MYH6: variants seen among roughly 807,000 people sequenced by gnomAD.
The protein encoded by MYH6 is myosin heavy chain 6.
A neutral mutation model predicts 223.2 loss-of-function variants in MYH6; 126 were observed. The ratio of observed to expected loss-of-function variants is 0.56; its 90% confidence interval spans 0.49 to 0.65. The LOEUF is 0.65. MYH6 is among the 30% of genes least tolerant of loss of function. MYH6 has a pLI of 0.00. For missense variants in MYH6, 2,040 were observed against 2,536.4 expected (o/e 0.80, Z 4.20); for synonymous variants, 978 against 1,010.2 (o/e 0.97, Z 0.61).
intron 12 of MYH6, among the ~76,000 whole-genome samples, chr14:23,401,877 T>C (rs1292660464): frequency 2.6e-5 from 4 of 152,224 alleles, no homozygotes; most frequent in Non-Finnish European, 2.9e-5. Flanking sequence ...TGTTGGTGTG[T>C]TATCATGAAC....
At chr14:23,392,765 G>C (rs1891272880) in intron 24 of MYH6, 113 bp from the exon 25 acceptor site, 5 of 1,467,496 alleles carry the variant, frequency 3.4e-6, no homozygotes, top group Admixed American at 3.4e-5. Context: ...CCCCTCGCCA[G>C]CCCAGAAAGT....
intron 34 of MYH6, among the ~76,000 whole-genome samples, chr14:23,385,667 C>A (rs1447147338): frequency 6.6e-6 from 1 of 152,070 alleles, no homozygotes; most frequent in Non-Finnish European, 1.5e-5. Context: ...TCAAGAATAT[C>A]AAATAACAGG....
chr14:23,393,079 G>A, intron 23 of MYH6, 22 bp from the exon 24 acceptor site: 2 of 1,614,080 alleles, frequency 1.2e-6, no homozygotes, highest in Non-Finnish European at 1.7e-6. Flanking sequence ...AAGAAAATAA[G>A]CAAAGTGTGG....
chr14:23,397,365 C>A, intron 16 of MYH6, 108 bp from the exon 17 acceptor site: 1 of 1,310,106 alleles, frequency 7.6e-7, no homozygotes. Flanking sequence ...GGGACAGGGG[C>A]TGCCACATAA....
chr14:23,390,199 T>G lies in MYH6; in HGVS notation c.3590A>C (p.Lys1197Thr). 1.9e-6 allele frequency: 3 copies of G among 1,605,354 alleles called. No homozygotes were observed. Among genetic ancestry groups the G allele is most frequent in the Non-Finnish European group, 2.6e-6 (3 of 1,174,782 alleles). The change falls in exon 26 of 39, where the codon AAG becomes ACG. Residue 1197 changes from lysine (K) to threonine (T), a missense_variant. Lys to Thr is a moderately conservative substitution (Grantham distance 78). Transcript: ENST00000405093. ...CAGCTCGGCCACGCTGTCGGCGTGC[T>G]TCTTGCGCAGGGCCGCGGCAGTGGC... ...HEATAAALRK[K>T]HADSVAELGE...
Position 23,402,449 on chromosome 14 carries a change from G to T in MYH6, c.1141+15C>A. Reference sequence around the variant, plus strand: ...ACCTCAGGCCTTCCCAGGGCTGCCTGCCTGCCCCTCCCACCTTCGGTGCCG... The same window carrying T: ...ACCTCAGGCCTTCCCAGGGCTGCCTTCCTGCCCCTCCCACCTTCGGTGCCG... On this transcript the variant is annotated intron_variant, in intron 12 of 38. Transcript: ENST00000405093. 1 of 1,612,176 alleles carries T rather than the reference G, an allele frequency of 6.2e-7. No individual in the cohort carries two copies. Among genetic ancestry groups the T allele is most frequent in the Non-Finnish European group, 8.5e-7 (1 of 1,179,956 alleles).
rs141079114 is a variant in MYH6 at position 23,393,518 on chromosome 14, C to G, written c.2929G>C (p.Val977Leu). ...EKEKHATENKVKNLTEEMAGL... is the reference protein window; with the variant it reads ...EKEKHATENKLKNLTEEMAGL... ...GCCATCTCCTCTGTTAGGTTCTTCACCTGCCGACCAAAAACCCATCCCCTT... is the reference window on the plus strand; with the variant it reads ...GCCATCTCCTCTGTTAGGTTCTTCAGCTGCCGACCAAAAACCCATCCCCTT... Residue 977 changes from valine to leucine, a missense_variant and splice_region_variant, in exon 23 of 39, where the codon GTG (valine) becomes CTG (leucine). Coordinates refer to ENST00000405093, the MANE Select transcript of MYH6 (RefSeq NM_002471.4). 9.3e-6 allele frequency: 15 copies of G among 1,613,952 alleles called. No homozygotes were observed. In the Admixed American group the frequency reaches 1.7e-4, roughly 18 times the overall value.
In MYH6 at chr14:23,407,726, G is replaced by A. The variant is rs1048757641; in HGVS notation, c.-46-118C>T. The A allele has an allele frequency of 2.8e-5, 18 of 653,990 alleles. No homozygotes were observed. The highest frequency in any genetic ancestry group is 2.6e-4 in the Admixed American group (5 of 19,554). 40.5% of individuals were successfully genotyped at this position (653,990 alleles called of 1,614,324 possible). On this transcript the variant is annotated intron_variant, in intron 1 of 38. Coordinates refer to ENST00000405093, the MANE Select transcript of MYH6 (RefSeq NM_002471.4). The surrounding 1 kb of genome is among the most constrained non-coding windows in gnomAD (Gnocchi z 5.6). ...CCGGGGATGGAGGCAGCCCCAGAGCGCAGACAGGCAGGACAGACCAGGGAG... is the reference window on the plus strand; with the variant it reads ...CCGGGGATGGAGGCAGCCCCAGAGCACAGACAGGCAGGACAGACCAGGGAG...
At chr14:23,397,820 G>A (rs1343350103) in intron 15 of MYH6, among the ~76,000 whole-genome samples, 1 of 152,140 alleles carries the variant, frequency 6.6e-6, no homozygotes, top group African/African-American at 2.4e-5. Context: ...CAGCTCACTG[G>A]TGCTTGCCCA....
In MYH6 at chr14:23,393,491, C is replaced by G; in HGVS notation, c.2956G>C (p.Gly986Arg). The change falls in exon 23 of 39, where the codon GGG becomes CGG. Residue 986 changes from glycine to arginine, a missense_variant. By Grantham distance (125) the Gly-to-Arg change is moderately radical (BLOSUM62 -2). Around this residue, in one of 4 missense-constraint regions of MYH6, gnomAD observed 1,203 missense variants for 1,400.2 expected, o/e 0.86. Transcript: ENST00000405093. ...KVKNLTEEMA[G>R]LDEIIAKLTK... ...AGCTTAGCGATGATTTCATCCAGCC[C>G]AGCCATCTCCTCTGTTAGGTTCTTC... 6.2e-7 allele frequency: 1 copy of G among 1,614,166 alleles called. No individual in the cohort carries two copies. The highest frequency in any genetic ancestry group is 8.5e-7 in the Non-Finnish European group (1 of 1,180,026).
In MYH6 at chr14:23,393,669, G is replaced by A; in HGVS notation, c.2925C>T (p.Asn975=). ...AGCCAGAGGGAGCTGCCCTCACCTT[G>A]TTCTCTGTTGCATGCTTCTCCTTCT... is the stretch of plus-strand genomic sequence containing the variant. ...KVEKEKHATE[N]KVKNLTEEMA... The change falls in exon 22 of 39, where the codon AAC becomes AAT. Residue 975 remains asparagine (N), a synonymous_variant. Transcript: ENST00000405093. 1 of 1,614,182 alleles carries A rather than the reference G, an allele frequency of 6.2e-7. No individual in the cohort carries two copies. Among genetic ancestry groups the A allele is most frequent in the Non-Finnish European group, 8.5e-7 (1 of 1,180,044 alleles).
intron 34 of MYH6, among the ~76,000 whole-genome samples, 185 bp downstream of exon 34, chr14:23,385,743 G>C (rs906470713): frequency 1.3e-5 from 2 of 152,098 alleles, no homozygotes; most frequent in Non-Finnish European, 2.9e-5. Context: ...GACCCTCTTA[G>C]CTTCTAAGTA....
rs201334814 is a variant in MYH6 at position 23,403,764 on chromosome 14, C to T, written c.750G>A (p.Arg250=). The part of the protein sequence containing the change: ...DNSSRFGKFI[R]IHFGATGKLA... Reference sequence around the variant, plus strand: ...GCTTTCCAGTGGCCCCAAAGTGGATCCTAATGAATTTCCCCTGGGGACGAA... The same window carrying T: ...GCTTTCCAGTGGCCCCAAAGTGGATTCTAATGAATTTCCCCTGGGGACGAA... The change falls in exon 9 of 39, where the codon AGG becomes AGA. Residue 250 remains arginine, a synonymous_variant. Coordinates refer to ENST00000405093, the MANE Select transcript of MYH6 (RefSeq NM_002471.4). 6.2e-7 allele frequency: 1 copy of T among 1,612,260 alleles called. No individual in the cohort carries two copies. Among genetic ancestry groups the T allele is most frequent in the East Asian group, 2.2e-5 (1 of 44,818 alleles).
Position 23,403,451 on chromosome 14 carries a change from G to T in MYH6, c.800-5C>A. 6.2e-7 allele frequency: 1 copy of T among 1,612,386 alleles called. No homozygotes were observed. Among genetic ancestry groups the T allele is most frequent in the African/African-American group, 1.3e-5 (1 of 74,996 alleles). On this transcript the variant is annotated splice_polypyrimidine_tract_variant and splice_region_variant and intron_variant, in intron 9 of 38. Coordinates refer to ENST00000405093, the MANE Select transcript of MYH6 (RefSeq NM_002471.4). Reference sequence around the variant, plus strand: ...CCCGGGACTTCTCCAGCAGGTCTGAGGTGGGTGGAGGGGAGGAAGGCAGGT... The same window carrying T: ...CCCGGGACTTCTCCAGCAGGTCTGATGTGGGTGGAGGGGAGGAAGGCAGGT...
chr14:23,400,655 G>A, intron 13 of MYH6, 54 bp downstream of exon 13: 1 of 1,613,730 alleles, frequency 6.2e-7, no homozygotes, highest in Non-Finnish European at 8.5e-7. Flanking sequence ...AATGGCTGTT[G>A]AATGTAGGAG....
Position 23,405,723 on chromosome 14 carries a change from C to T in MYH6, c.249G>A (p.Lys83=). 1.9e-6 allele frequency: 3 copies of T among 1,614,172 alleles called. No homozygotes were observed. The highest frequency in any genetic ancestry group is 2.5e-6 in the Non-Finnish European group (3 of 1,180,028). ...EDQVLQQNPP[K]FDKIEDMAML... is the part of the protein sequence containing the mutation. The stretch of plus-strand genomic sequence containing the variant: ...TGGCCATGTCCTCAATCTTGTCGAA[C>T]TTGGGTGGGTTCTGCTGCAACACCT... The change falls in exon 4 of 39, where the codon AAG becomes AAA. Residue 83 remains lysine, a synonymous_variant. Transcript: ENST00000405093. The surrounding 1 kb of genome is among the most constrained non-coding windows in gnomAD (Gnocchi z 4.7).
At position 23,398,934 on chromosome 14, in the gene MYH6, T is replaced by G. The variant is rs1425150297; in HGVS notation, c.1685A>C (p.Asn562Thr). ...GATGTTGCGTGGCTTCTGGAAATTG[T>G]TGGACTTGCCCAGGTGGTTGTCGTA... ...KLYDNHLGKS[N>T]NFQKPRNIKG... The change falls in exon 15 of 39, where the codon AAC (asparagine) becomes ACC (threonine). Residue 562 changes from asparagine (N) to threonine (T), a missense_variant. Asn to Thr is a moderately conservative substitution (Grantham distance 65). Around this residue, in one of 4 missense-constraint regions of MYH6, gnomAD observed 649 missense variants for 877.3 expected, o/e 0.74. Transcript: ENST00000405093. 2.5e-6 allele frequency: 4 copies of G among 1,614,018 alleles called. No individual in the cohort carries two copies. In the African/African-American group the frequency reaches 4.0e-5, roughly 16 times the overall value.
rs2138578417 is a variant in MYH6, at chr14:23,382,564, T to C, written c.5662-2A>G. 3 of 1,614,148 alleles carry C rather than the reference T, an allele frequency of 1.9e-6. No individual in the cohort carries two copies. The highest frequency in any genetic ancestry group is 2.5e-6 in the Non-Finnish European group (3 of 1,180,016). On this transcript the variant is annotated splice_acceptor_variant, in intron 37 of 38. Coordinates refer to ENST00000405093, the MANE Select transcript of MYH6 (RefSeq NM_002471.4). LOFTEE classifies it high-confidence loss of function. ...CAGGTTGGTGTTGGCTTGCTCCTCC[T>C]GTGGTGGGACAGTGGGGATGGGTGA...
chr14:23,390,558 C>A, intron 25 of MYH6, 112 bp from the exon 26 acceptor site: 2 of 1,534,166 alleles, frequency 1.3e-6, no homozygotes, highest in Admixed American at 2.0e-5. Context: ...TGGTTCTCAA[C>A]TAGGGGCAAT....
Sources: gnomAD v4.1 joint callset for allele counts (sites outside exome capture counted in the v4.1 genomes callset) on GRCh38, gnomAD v4.1.1 for gene constraint, gnomAD v4.1.1 regional missense constraint, Gnocchi (gnomAD v3.1) non-coding constraint, MANE v1.5 for transcripts, NCBI Gene and HGNC (gene_info 2026-07-23, HGNC 2026-07-21) for gene names.